MAN1A1: variants seen among roughly 807,000 people sequenced by gnomAD.
MAN1A1 encodes mannosyl-oligosaccharide 1,2-alpha-mannosidase IA.
In MAN1A1, 29 loss-of-function variants were observed where a neutral mutation model predicts 70.8. The ratio of observed to expected loss-of-function variants is 0.41; its 90% CI spans 0.31 to 0.56. The LOEUF (loss-of-function observed/expected upper bound fraction) is 0.56, where lower values mean the gene tolerates loss of function less well. Among genes scored for constraint, MAN1A1 ranks in the 20% least tolerant of loss-of-function variants. The pLI is 0.29. For synonymous variants in MAN1A1, 349 were observed against 330.1 expected, an observed-to-expected ratio of 1.06 and a Z score of -0.62; for missense variants, 747 against 841.3, an observed-to-expected ratio of 0.89 and a Z score of 1.39.
At chr6:119,332,066 G>C in intron 2 of MAN1A1, 1 of 423,146 alleles carries the variant, frequency 2.4e-6, no homozygotes, top group Admixed American at 2.8e-5. Flanking sequence ...CCAAATACTT[G>C]TTGTTCTGAG....
At position 119,179,744 on chromosome 6, in the gene MAN1A1, G is replaced by T. The variant is rs1773096994; in HGVS notation, c.*75C>A. ...ACCTACTAATCAAAGTTCATCATGTGCCTGATTACCAGAAAAGGAATTATT... is the reference window on the plus strand; with the variant it reads ...ACCTACTAATCAAAGTTCATCATGTTCCTGATTACCAGAAAAGGAATTATT... On this transcript the variant is annotated 3_prime_UTR_variant, in exon 13 of 13. Coordinates refer to ENST00000368468, the MANE Select transcript of MAN1A1 (RefSeq NM_005907.4). 1 of 1,370,982 alleles carries T rather than the reference G, an allele frequency of 7.3e-7. No homozygotes were observed. The highest frequency in any genetic ancestry group is 1.0e-6 in the Non-Finnish European group (1 of 981,714). The allele number at this position is 1,370,982 out of a possible 1,614,324, so 84.9% of individuals were successfully genotyped here.
intron 2 of MAN1A1, among the ~76,000 whole-genome samples, chr6:119,325,423 C>T (rs1022682323): frequency 1.3e-5 from 2 of 152,110 alleles, no homozygotes; most frequent in African/African-American, 2.4e-5. Context: ...TTTGGGAGGC[C>T]GAGGTGGGTG....
rs1047503237 is a variant in MAN1A1, at chr6:119,177,525, A to C, written c.*2294T>G. On this transcript the variant is annotated 3_prime_UTR_variant, in exon 13 of 13. Transcript: ENST00000368468. Reference sequence around the variant, plus strand: ...TAACGGTTCATCTTTCAGTATGTGAATACGTATACAAATTTAACTGCACAG... The same window carrying C: ...TAACGGTTCATCTTTCAGTATGTGACTACGTATACAAATTTAACTGCACAG... The C allele has an allele frequency of 5.9e-5, 9 of 152,126 alleles. No homozygotes were observed. Among genetic ancestry groups the C allele is most frequent in the Non-Finnish European group, 4.4e-5 (3 of 67,960 alleles). 9.4% of individuals were successfully genotyped at this position (152,126 alleles called of 1,614,324 possible).
At chr6:119,301,020 A>T (rs2114439208) in intron 4 of MAN1A1, among the ~76,000 whole-genome samples, 2 of 152,360 alleles carry the variant, frequency 1.3e-5, no homozygotes, top group South Asian at 2.1e-4. Flanking sequence ...TGAGAGAACA[A>T]GAGTGCCACA....
intron 7 of MAN1A1, among the ~76,000 whole-genome samples, chr6:119,202,837 T>C (rs914505834): frequency 1.3e-5 from 2 of 152,234 alleles, no homozygotes; most frequent in African/African-American, 2.4e-5. Context: ...AAGGGTGCTA[T>C]GGATTGAACT....
chr6:119,246,826 C>T (rs1775179888), intron 6 of MAN1A1, among the ~76,000 whole-genome samples: 1 of 152,108 alleles, frequency 6.6e-6, no homozygotes, highest in African/African-American at 2.4e-5. Context: ...AGCTCAGAGC[C>T]ACCCCTGCAT....
At chr6:119,209,841 T>C (rs1019833296) in intron 6 of MAN1A1, among the ~76,000 whole-genome samples, 17 of 152,236 alleles carry the variant, frequency 1.1e-4, no homozygotes, top group African/African-American at 3.6e-4. Context: ...AAACTGACTG[T>C]GGAGGACTAT....
At chr6:119,314,453 A>G (rs1044067943) in intron 2 of MAN1A1, among the ~76,000 whole-genome samples, 11 of 152,232 alleles carry the variant, frequency 7.2e-5, no homozygotes, top group Non-Finnish European at 1.6e-4. Context: ...GGAATTTGAT[A>G]TAATTTAACA....
At position 119,275,933 on chromosome 6, in the gene MAN1A1, C is replaced by G. The variant is rs538499809; in HGVS notation, c.897+14750G>C. Among the ~76,000 whole-genome samples, 71 of 152,296 alleles carry G rather than the reference C, an allele frequency of 4.7e-4. No homozygotes were observed. In the South Asian group the frequency reaches 0.015, roughly 31 times the overall value. On this transcript the variant is annotated intron_variant, in intron 5 of 12. Transcript: ENST00000368468. ...ATGTCCTATATGGCTAAGGAATTAGCTTCTCAGAGCTTCAGTGTATCTACA... is the reference window on the plus strand; with the variant it reads ...ATGTCCTATATGGCTAAGGAATTAGGTTCTCAGAGCTTCAGTGTATCTACA...
At chr6:119,232,037 G>C (rs1035800982) in intron 6 of MAN1A1, among the ~76,000 whole-genome samples, 1 of 152,068 alleles carries the variant, frequency 6.6e-6, no homozygotes, top group Non-Finnish European at 1.5e-5. Flanking sequence ...TATAGTTCTG[G>C]TAGGTACGTA....
intron 11 of MAN1A1, among the ~76,000 whole-genome samples, chr6:119,185,084 T>C (rs1160631135): frequency 2.0e-5 from 3 of 152,116 alleles, no homozygotes. Flanking sequence ...GACAGGGTGA[T>C]GACTTGTTGC....
chr6:119,229,214 CA>C (rs10602711), intron 6 of MAN1A1, among the ~76,000 whole-genome samples: 2,050 of 137,432 alleles, frequency 0.015, 28 homozygotes, highest in African/African-American at 0.046. Flanking sequence ...TGTTCTGAGA[CA>C]AAAAAAAAAA....
At chr6:119,302,154 T>C (rs886594180) in intron 3 of MAN1A1, 51 bp from the exon 4 acceptor site, 1 of 858,896 alleles carries the variant, frequency 1.2e-6, no homozygotes, top group African/African-American at 1.7e-5. Context: ...AGATAAAATA[T>C]ATGTAAATTG....
chr6:119,325,451 A>C (rs1427746237), intron 2 of MAN1A1, among the ~76,000 whole-genome samples: 2 of 152,200 alleles, frequency 1.3e-5, no homozygotes, highest in Non-Finnish European at 2.9e-5. Context: ...TGAGGTCAGA[A>C]GTTTGAGACC....
chr6:119,200,553 G>C (rs1773689012), intron 8 of MAN1A1, among the ~76,000 whole-genome samples: 1 of 152,118 alleles, frequency 6.6e-6, no homozygotes, highest in African/African-American at 2.4e-5. Flanking sequence ...CTACAGTTGG[G>C]TATCTCAATA....
At chr6:119,333,546 T>G (rs1336817588) in intron 2 of MAN1A1, among the ~76,000 whole-genome samples, 1 of 152,240 alleles carries the variant, frequency 6.6e-6, no homozygotes, top group African/African-American at 2.4e-5. Flanking sequence ...ATTAAGAGCA[T>G]GGGTAAAGTA....
At chr6:119,234,107 GA>G (rs1774770714) in intron 6 of MAN1A1, among the ~76,000 whole-genome samples, 1 of 152,066 alleles carries the variant, frequency 6.6e-6, no homozygotes, top group Non-Finnish European at 1.5e-5. Flanking sequence ...CAGATAATTT[GA>G]AAAGAAGAAA....
In MAN1A1 at chr6:119,259,364, G is replaced by A. The variant is rs1173279171; in HGVS notation, c.898-11010C>T. Among the ~76,000 whole-genome samples, 10 of 152,176 alleles carry A rather than the reference G, an allele frequency of 6.6e-5. 1 individual carries two copies. In the South Asian group the frequency reaches 2.1e-3, roughly 32 times the overall value. ...TTGAACAATTAAACTCTATAGGTAT[G>A]AAAGAGCAATTAATTACCATATTAT... On this transcript the variant is annotated intron_variant, in intron 5 of 12. Transcript: ENST00000368468.
In MAN1A1 at chr6:119,348,898, G is replaced by C. The variant is rs1418781372; in HGVS notation, c.168C>G (p.Phe56Leu). ...AGTCTGGCAGGAAGAAGATCGCCCC[G>C]AAGCAGAGCGTGATGAAGGCGCTGA... ...LVFSAFITLC[F>L]GAIFFLPDSS... Residue 56 changes from phenylalanine (F) to leucine (L), a missense_variant, in exon 2 of 13, where the codon TTC (phenylalanine) becomes TTG (leucine). Physicochemically the swap from Phe to Leu is conservative, Grantham distance 22. Around this residue, in one of 2 missense-constraint regions of MAN1A1, gnomAD observed 328 missense variants for 293.1 expected, o/e 1.12. Coordinates refer to ENST00000368468, the MANE Select transcript of MAN1A1 (RefSeq NM_005907.4). The C allele has an allele frequency of 7.8e-6, 12 of 1,537,068 alleles. No individual in the cohort carries two copies. The highest frequency in any genetic ancestry group is 3.4e-4 in the Middle Eastern group (2 of 5,848).
Sources: gnomAD v4.1 joint callset for allele counts (sites outside exome capture counted in the v4.1 genomes callset) on GRCh38, gnomAD v4.1.1 for gene constraint, gnomAD v4.1.1 regional missense constraint, MANE v1.5 for transcripts, NCBI Gene and HGNC (gene_info 2026-07-23, HGNC 2026-07-21) for gene names.